Variants in SLC8A1 observed in about 807,000 individuals in gnomAD.
The protein encoded by SLC8A1 is sodium/calcium exchanger 1.
A neutral mutation model predicts 68.3 loss-of-function variants in SLC8A1; 18 were observed. The ratio of observed to expected loss-of-function variants is 0.26; its 90% CI spans 0.18 to 0.39. The LOEUF (loss-of-function observed/expected upper bound fraction) is 0.39, where lower values mean the gene tolerates loss of function less well. Ranked by LOEUF, SLC8A1 falls within the 10% of genes least tolerant of loss-of-function variation. SLC8A1 has a pLI of 1.00. For synonymous variants in SLC8A1, 475 were observed against 415.5 expected (o/e 1.14, Z -1.74); for missense variants, 985 against 1,156.7 (o/e 0.85, Z 2.15).
chr2:40,444,557 T>C (rs925981080), intron 1 of SLC8A1, among the ~76,000 whole-genome samples: 2 of 152,284 alleles, frequency 1.3e-5, no homozygotes, highest in Non-Finnish European at 1.5e-5. Context: ...AATGTTTCAT[T>C]TGCGTCTCTC....
intron 1 of SLC8A1, among the ~76,000 whole-genome samples, chr2:40,472,818 A>G (rs924739592): frequency 6.6e-6 from 1 of 152,238 alleles, no homozygotes; most frequent in Non-Finnish European, 1.5e-5. Context: ...GTGAGAGATA[A>G]TTCATGCAAC....
At chr2:40,457,598 G>C (rs561475191) in intron 1 of SLC8A1, among the ~76,000 whole-genome samples, 1 of 152,286 alleles carries the variant, frequency 6.6e-6, no homozygotes, top group South Asian at 2.1e-4. Flanking sequence ...TAATGAAACT[G>C]TATGCTCTCG....
intron 2 of SLC8A1, among the ~76,000 whole-genome samples, chr2:40,365,321 T>C (rs1266701330): frequency 1.3e-5 from 2 of 152,122 alleles, no homozygotes; most frequent in Admixed American, 1.3e-4. Flanking sequence ...TTATACTTAA[T>C]TTATTGTGCA....
chr2:40,349,882 T>G (rs1670518869), intron 2 of SLC8A1, among the ~76,000 whole-genome samples: 1 of 152,180 alleles, frequency 6.6e-6, no homozygotes, highest in African/African-American at 2.4e-5. Flanking sequence ...TATTTATCCA[T>G]AAATATAACA....
At chr2:40,336,660 A>G (rs1369830972) in intron 2 of SLC8A1, among the ~76,000 whole-genome samples, 1 of 152,154 alleles carries the variant, frequency 6.6e-6, no homozygotes, top group African/African-American at 2.4e-5. Context: ...ATAGATATAG[A>G]CTGTTAAGTT....
At chr2:40,471,105 C>T (rs985386845) in intron 1 of SLC8A1, among the ~76,000 whole-genome samples, 6 of 152,158 alleles carry the variant, frequency 3.9e-5, no homozygotes, top group Non-Finnish European at 5.9e-5. Context: ...TCACTGAAGG[C>T]TTGGTTTCTG....
In SLC8A1 at chr2:40,111,908, T is replaced by C. The variant is rs1412075749; in HGVS notation, c.*3345A>G. The C allele has an allele frequency of 3.9e-5, 6 of 152,110 alleles. No individual in the cohort carries two copies. In the East Asian group the frequency reaches 1.2e-3, roughly 29 times the overall value. 9.4% of individuals were successfully genotyped at this position (152,110 alleles called of 1,614,324 possible). A position where few individuals can be genotyped will look rare whatever the true frequency, so the allele number is the denominator to read the frequency against. On this transcript the variant is annotated 3_prime_UTR_variant, in exon 8 of 8. Transcript: ENST00000406785. ...CATGTAACTGTTTATGGGCTTATGA[T>C]CCTGGATGCAGGAAAGGATGTAGAT...
chr2:40,249,777 C>G (rs897556715), intron 2 of SLC8A1, among the ~76,000 whole-genome samples: 8 of 152,114 alleles, frequency 5.3e-5, no homozygotes, highest in Admixed American at 2.6e-4. Flanking sequence ...TAATTTATTA[C>G]TTGGCTCAAA....
At chr2:40,130,085 G>A (rs2039015322) in intron 7 of SLC8A1, among the ~76,000 whole-genome samples, 1 of 152,104 alleles carries the variant, frequency 6.6e-6, no homozygotes, top group Non-Finnish European at 1.5e-5. Context: ...AGAGAAATAA[G>A]GAGTATGACT....
intron 2 of SLC8A1, among the ~76,000 whole-genome samples, chr2:40,275,532 G>A (rs1400957633): frequency 1.3e-5 from 2 of 152,192 alleles, no homozygotes; most frequent in African/African-American, 2.4e-5. Context: ...ACATTAGCAG[G>A]TTGTCCGGGA....
chr2:40,495,980 G>A (rs973606911), intron 1 of SLC8A1, among the ~76,000 whole-genome samples: 4 of 151,816 alleles, frequency 2.6e-5, no homozygotes, highest in East Asian at 1.9e-4. Flanking sequence ...TTTATCTATC[G>A]GTCTAATCTA....
chr2:40,238,253 T>G (rs374218455), intron 2 of SLC8A1, among the ~76,000 whole-genome samples: 1 of 152,138 alleles, frequency 6.6e-6, no homozygotes, highest in South Asian at 2.1e-4. Context: ...TAGCAATCAG[T>G]GAGACTCCGT....
chr2:40,511,852 A>G (rs1706748616), intron 1 of SLC8A1, among the ~76,000 whole-genome samples: 1 of 152,138 alleles, frequency 6.6e-6, no homozygotes, highest in Non-Finnish European at 1.5e-5. Context: ...AATATTGCAA[A>G]AATGACTTCA....
At chr2:40,110,271 G>A (rs1005098662) in exon 8 of SLC8A1, 1 of 152,160 alleles carries the variant, frequency 6.6e-6, no homozygotes, top group Non-Finnish European at 1.5e-5. Flanking sequence ...TATTTCAATT[G>A]TTTACCCTTC....
intron 2 of SLC8A1, among the ~76,000 whole-genome samples, chr2:40,421,872 C>T (rs1328771388): frequency 6.6e-6 from 1 of 152,176 alleles, no homozygotes; most frequent in East Asian, 1.9e-4. Context: ...TTGGCAAATA[C>T]ATGGGTATTA....
chr2:40,242,501 C>T (rs912423506), intron 2 of SLC8A1, among the ~76,000 whole-genome samples: 1 of 152,146 alleles, frequency 6.6e-6, no homozygotes, highest in Non-Finnish European at 1.5e-5. Context: ...TTATAAATCT[C>T]CATCCACTAA....
intron 2 of SLC8A1, among the ~76,000 whole-genome samples, chr2:40,367,148 T>G (rs994616182): frequency 1.3e-5 from 2 of 151,976 alleles, no homozygotes; most frequent in Non-Finnish European, 2.9e-5. Context: ...AGTGTGCTGA[T>G]CCCCAAAGAC....
intron 1 of SLC8A1, among the ~76,000 whole-genome samples, chr2:40,466,410 T>A (rs972118174): frequency 1.3e-5 from 2 of 152,160 alleles, no homozygotes; most frequent in Non-Finnish European, 2.9e-5. Context: ...TCAAGCATAT[T>A]ATTAAAACAT....
intron 2 of SLC8A1, among the ~76,000 whole-genome samples, chr2:40,370,683 G>C (rs1677744753): frequency 6.6e-6 from 1 of 151,892 alleles, no homozygotes; most frequent in African/African-American, 2.4e-5. Context: ...TTACAAAAAA[G>C]CAAAGAAAGC....
Sources: allele counts gnomAD v4.1 joint callset (sites outside exome capture counted in the v4.1 genomes callset), GRCh38; gene constraint gnomAD v4.1.1; transcripts MANE v1.5; gene names NCBI Gene and HGNC (gene_info 2026-07-23, HGNC 2026-07-21).